Variants in DMXL2 observed in about 807,000 individuals in gnomAD.
DMXL2 encodes Dmx like 2.
A neutral mutation model predicts 331.1 loss-of-function variants in DMXL2; 103 were observed. The observed-to-expected ratio is 0.31, with a 90% CI of 0.27 to 0.37. DMXL2 has a LOEUF of 0.37. Among genes scored for constraint, DMXL2 ranks in the 10% least tolerant of loss-of-function variants. DMXL2 has a pLI of 1.00. For synonymous variants in DMXL2, 1,281 were observed against 1,252.1 expected, an observed-to-expected ratio of 1.02 and a Z score of -0.49; for missense variants, 3,171 against 3,642.9, an observed-to-expected ratio of 0.87 and a Z score of 3.33.
intron 37 of DMXL2, among the ~76,000 whole-genome samples, chr15:51,457,052 G>C (rs949614220): frequency 5.9e-5 from 9 of 152,148 alleles, no homozygotes; most frequent in Non-Finnish European, 1.0e-4. Flanking sequence ...TGCACCTGTA[G>C]TCCCAGCTAC....
chr15:51,456,147 C>T lies in DMXL2; in HGVS notation c.8445G>A (p.Thr2815=), dbSNP rs141041082. 52 of 1,614,148 alleles carry T rather than the reference C, an allele frequency of 3.2e-5. No homozygotes were observed. The African/African-American group carries it at 5.6e-4, about 17-fold the overall frequency. Residue 2815 remains threonine (T), a synonymous_variant, in exon 39 of 44, where the codon ACG becomes ACA. Transcript: ENST00000560891. The part of the protein sequence containing the change: ...QDGSVRMFEW[T]RPQQLVCFRQ... ...GAAAGCAGACAAGTTGCTGAGGCCG[C>T]GTCCATTCAAACATTCGTACACTGC...
intron 29 of DMXL2, among the ~76,000 whole-genome samples, chr15:51,466,913 A>G (rs1198056146): frequency 6.6e-6 from 1 of 151,982 alleles, no homozygotes; most frequent in Non-Finnish European, 1.5e-5. Flanking sequence ...CATTTTTTTT[A>G]GTGGATATTA....
At chr15:51,622,411 G>C (rs1370655450) in intron 1 of DMXL2, 48 bp downstream of exon 1, 2 of 1,549,440 alleles carry the variant, frequency 1.3e-6, no homozygotes, top group Admixed American at 3.9e-5. Flanking sequence ...CCCTGCCCCC[G>C]CGTCTGGCCC....
In DMXL2 at chr15:51,622,771, T is replaced by G; in HGVS notation, c.-226A>C. The G allele has an allele frequency of 1.1e-5, 8 of 746,366 alleles. No individual in the cohort carries two copies. Among genetic ancestry groups the G allele is most frequent in the Non-Finnish European group, 1.6e-5 (8 of 488,292 alleles). 46.2% of individuals were successfully genotyped at this position (746,366 alleles called of 1,614,324 possible). On this transcript the variant is annotated 5_prime_UTR_variant, in exon 1 of 44. Transcript: ENST00000560891. The stretch of plus-strand genomic sequence containing the variant: ...CCGGGTCGCCGCTCAGCTGCGGAAA[T>G]GCCCGGATGTTCCCACTGCCTGCTG...
chr15:51,492,691 A>G (rs1036774615), intron 19 of DMXL2, among the ~76,000 whole-genome samples: 4 of 152,222 alleles, frequency 2.6e-5, no homozygotes, highest in African/African-American at 9.6e-5. Context: ...ACAGAATGGT[A>G]ATCAATAATG....
intron 1 of DMXL2, among the ~76,000 whole-genome samples, chr15:51,621,745 T>C (rs2054639649): frequency 6.8e-6 from 1 of 146,430 alleles, no homozygotes; most frequent in Admixed American, 6.7e-5. Flanking sequence ...CCTTACTATA[T>C]TAAAAAAAAG....
At chr15:51,502,415 C>A (rs1003286521) in intron 17 of DMXL2, among the ~76,000 whole-genome samples, 1 of 151,556 alleles carries the variant, frequency 6.6e-6, no homozygotes, top group African/African-American at 2.4e-5. Context: ...CTCCACCTCT[C>A]GAGTTCAAGC....
chr15:51,542,186 A>C (rs916326460), intron 9 of DMXL2, 147 bp downstream of exon 9: 1 of 742,942 alleles, frequency 1.3e-6, no homozygotes, highest in Non-Finnish European at 2.1e-6. Flanking sequence ...AATTCAAAAA[A>C]TGGTACTTTA....
chr15:51,596,141 G>A lies in DMXL2; in HGVS notation c.88-19960C>T, dbSNP rs1291463911. ...CATCAGAGTGAACAGGCAACCTACA[G>A]AATGGGAGAAAATTTTCGCAAACTA... is the stretch of plus-strand genomic sequence containing the variant. On this transcript the variant is annotated intron_variant, in intron 1 of 43. Coordinates refer to ENST00000560891, the MANE Select transcript of DMXL2 (RefSeq NM_001378457.1). Among the ~76,000 whole-genome samples the A allele has an allele frequency of 9.9e-5, 15 of 152,246 alleles. No homozygotes were observed. The South Asian group carries it at 1.7e-3, about 17-fold the overall frequency.
intron 27 of DMXL2, among the ~76,000 whole-genome samples, chr15:51,475,887 C>T (rs990116090): frequency 1.3e-5 from 2 of 152,124 alleles, no homozygotes; most frequent in African/African-American, 4.8e-5. Flanking sequence ...GATACACAAA[C>T]AGCAAGTGAG....
intron 1 of DMXL2, among the ~76,000 whole-genome samples, chr15:51,601,290 CAAAAAA>C (rs200188441): frequency 1.0e-5 from 1 of 96,594 alleles, no homozygotes; most frequent in Non-Finnish European, 2.0e-5. Context: ...GACTCCATCT[CAAAAAA>C]AAAAAAAAAA....
intron 1 of DMXL2, among the ~76,000 whole-genome samples, chr15:51,612,055 G>GT (rs2054007656): frequency 6.6e-6 from 1 of 152,184 alleles, no homozygotes; most frequent in East Asian, 1.9e-4. Flanking sequence ...TTTAAGAGCT[G>GT]TAACATTGAC....
In DMXL2 at chr15:51,465,601, T is replaced by A. The variant is rs762776775; in HGVS notation, c.7571A>T (p.Lys2524Met). 2 of 1,608,296 alleles carry A rather than the reference T, an allele frequency of 1.2e-6. No homozygotes were observed. Among genetic ancestry groups the A allele is most frequent in the African/African-American group, 2.7e-5 (2 of 74,530 alleles). ...CAGTCCAGCAATAGGAAAGAAATTC[T>A]TGACATTGTGAAGTGCTAGTTTAAC... Reference protein sequence around the residue: ...TMVKLALHNVKNFFPIAGLEF... With the variant: ...TMVKLALHNVMNFFPIAGLEF... Residue 2524 changes from lysine (K) to methionine (M), a missense_variant, in exon 31 of 44, where the codon AAG becomes ATG. By Grantham distance (95) the Lys-to-Met change is moderately conservative (BLOSUM62 -1). This residue lies in a region of DMXL2 where 766 missense variants were observed against 940.5 expected (regional missense o/e 0.81). Transcript: ENST00000560891.
chr15:51,525,934 C>T (rs2047646499), intron 13 of DMXL2, among the ~76,000 whole-genome samples: 1 of 151,830 alleles, frequency 6.6e-6, no homozygotes, highest in Non-Finnish European at 1.5e-5. Context: ...TGCAGGAGCC[C>T]CAGGGCTTTG....
intron 9 of DMXL2, among the ~76,000 whole-genome samples, chr15:51,539,314 A>G (rs1363719804): frequency 6.6e-6 from 1 of 152,194 alleles, no homozygotes; most frequent in Non-Finnish European, 1.5e-5. Context: ...AAATGTTAAC[A>G]ACTGTTGAAT....
chr15:51,461,668 A>C (rs956316417), intron 33 of DMXL2, among the ~76,000 whole-genome samples: 2 of 152,098 alleles, frequency 1.3e-5, no homozygotes, highest in African/African-American at 2.4e-5. Context: ...CTCCTGCCTC[A>C]GCCCTGCAAG....
chr15:51,573,274 G>A (rs2050792061), intron 2 of DMXL2, among the ~76,000 whole-genome samples: 2 of 152,202 alleles, frequency 1.3e-5, no homozygotes. Flanking sequence ...AACCATTTGT[G>A]TAAGACAGTG....
At chr15:51,495,928 T>TTAA (rs994229323) in intron 18 of DMXL2, among the ~76,000 whole-genome samples, 1 of 152,060 alleles carries the variant, frequency 6.6e-6, no homozygotes, top group Non-Finnish European at 1.5e-5. Context: ...ATCCATCTAT[T>TTAA]TATTTAGCTA....
At chr15:51,480,243 GCTCA>G in intron 24 of DMXL2, 104 bp from the exon 25 acceptor site, 1 of 1,164,722 alleles carries the variant, frequency 8.6e-7, no homozygotes, top group Non-Finnish European at 1.2e-6. Flanking sequence ...GAATATGTTC[GCTCA>G]CTCATTCTAC....
Sources: gnomAD v4.1 joint callset for allele counts (sites outside exome capture counted in the v4.1 genomes callset) on GRCh38, gnomAD v4.1.1 for gene constraint, gnomAD v4.1.1 regional missense constraint, MANE v1.5 for transcripts, NCBI Gene and HGNC (gene_info 2026-07-23, HGNC 2026-07-21) for gene names.